COX18: variants seen among roughly 807,000 people sequenced by gnomAD.
COX18 encodes the protein cytochrome c oxidase assembly protein COX18, mitochondrial.
A neutral mutation model predicts 38.0 loss-of-function variants in COX18; 45 were observed. That is an observed-to-expected ratio of 1.18 (90% CI 0.93 to 1.52). COX18 has a LOEUF of 1.52. Ranked by LOEUF, COX18 falls within the 40% of genes most tolerant of loss-of-function variation. The pLI, the probability that COX18 is intolerant of heterozygous loss-of-function variation, is 0.00. For missense variants in COX18, 462 were observed against 423.8 expected, an observed-to-expected ratio of 1.09 and a Z score of -0.79; for synonymous variants, 177 against 169.8, an observed-to-expected ratio of 1.04 and a Z score of -0.33.
At position 73,065,318 on chromosome 4, in the gene COX18, T is replaced by C. The variant is rs778920918; in HGVS notation, c.530A>G (p.Gln177Arg). The change falls in exon 3 of 6, where the codon CAG becomes CGG. Residue 177 changes from glutamine to arginine, a missense_variant. By Grantham distance (43) the Gln-to-Arg change is conservative. Coordinates refer to ENST00000507544, the MANE Select transcript of COX18 (RefSeq NM_001297732.2). ...PFKATVLVWI[Q>R]LPMWIFMSFA... ...AGACATGAAGATCCACATTGGAAGC[T>C]GAATCCAAACCAACACAGTGGCTTT... is the stretch of plus-strand genomic sequence containing the variant. 5 of 1,613,932 alleles carry C rather than the reference T, an allele frequency of 3.1e-6. No individual in the cohort carries two copies. In the South Asian group the frequency reaches 4.4e-5, roughly 14 times the overall value.
intron 2 of COX18, 33 bp from the exon 3 acceptor site, chr4:73,065,446 G>A (rs185086926): frequency 1.3e-6 from 2 of 1,564,358 alleles, no homozygotes; most frequent in South Asian, 1.1e-5. Flanking sequence ...AAAGGGGAAA[G>A]AGAAAATGTC....
rs1468330318 is a variant in COX18 at position 73,053,753 on chromosome 4, G to C, written c.*4361C>G. The C allele has an allele frequency of 3.3e-5, 5 of 152,176 alleles. No homozygotes were observed. The highest frequency in any genetic ancestry group is 2.0e-4 in the Admixed American group (3 of 15,274). 9.4% of individuals were successfully genotyped at this position (152,176 alleles called of 1,614,324 possible). ...GCACCTTCTCCTGGGTTATCTGTCA[G>C]GGTGGCAATTAAGAATTTTGGTTTT... On this transcript the variant is annotated 3_prime_UTR_variant, in exon 6 of 6. Transcript: ENST00000507544.
In COX18 at chr4:73,065,385, G is replaced by C; in HGVS notation, c.463C>G (p.Leu155Val). 6.2e-7 allele frequency: 1 copy of C among 1,613,282 alleles called. No individual in the cohort carries two copies. Among genetic ancestry groups the C allele is most frequent in the Non-Finnish European group, 8.5e-7 (1 of 1,179,578 alleles). Residue 155 changes from leucine to valine, a missense_variant, in exon 3 of 6, where the codon CTA becomes GTA. Transcript: ENST00000507544. ...RLTYLKNMRR[L>V]ISELYVRDNC... ...TCTCGCACATATAGCTCTGAAATTA[G>C]CCTCCTCATATTCTTTAGATAAGTG...
chr4:73,069,726 C>T (rs905899774), upstream of COX18: 19 of 1,385,754 alleles, frequency 1.4e-5, no homozygotes, highest in Middle Eastern at 1.8e-4. Context: ...GGCTGATACG[C>T]GCACGCGCCA....
In COX18 at chr4:73,067,995, T is replaced by C. The variant is rs748726733; in HGVS notation, c.434+34A>G. ...GTGTGTGTGTGTGTGTGTGTATGTG[T>C]GCGTATGGTCTTACGTGGATATAAT... On this transcript the variant is annotated intron_variant, in intron 2 of 5. Transcript: ENST00000507544. The C allele has an allele frequency of 2.3e-5, 29 of 1,244,856 alleles. No individual in the cohort carries two copies. The East Asian group carries it at 6.6e-4, about 28-fold the overall frequency. 77.1% of individuals were successfully genotyped at this position (1,244,856 alleles called of 1,614,324 possible).
At position 73,058,902 on chromosome 4, in the gene COX18, C is replaced by G. The variant is rs569054320; in HGVS notation, c.832-615G>C. 1.5e-4 allele frequency among the ~76,000 whole-genome samples: 23 copies of G among 152,152 alleles called. 1 individual carries two copies. Among genetic ancestry groups the G allele is most frequent in the Non-Finnish European group, 2.6e-4 (18 of 68,026 alleles). ...ACAGGAGGAAGATTTTGGGATGAAA[C>G]TGTTCCATTCCTCGTATCATGAGGA... is the stretch of plus-strand genomic sequence containing the variant. On this transcript the variant is annotated intron_variant, in intron 5 of 5. Transcript: ENST00000507544.
At chr4:73,062,830 G>A (rs1350263623) in intron 4 of COX18, among the ~76,000 whole-genome samples, 2 of 144,878 alleles carry the variant, frequency 1.4e-5, no homozygotes, top group African/African-American at 2.6e-5. Flanking sequence ...GAGTAAGACC[G>A]TCTCCAAAAA....
chr4:73,069,699 A>G lies in COX18; in HGVS notation c.-50T>C, dbSNP rs1209715724. Reference sequence around the variant, plus strand: ...TCCCGGGCCTCACAATCCAGCGGACATACACCGGCCAGCCAAGGCTGATAC... The same window carrying G: ...TCCCGGGCCTCACAATCCAGCGGACGTACACCGGCCAGCCAAGGCTGATAC... On this transcript the variant is annotated 5_prime_UTR_variant, in exon 1 of 6. An upstream start codon of the reference 5' UTR is lost. Coordinates refer to ENST00000507544, the MANE Select transcript of COX18 (RefSeq NM_001297732.2). The G allele has an allele frequency of 5.3e-6, 8 of 1,512,044 alleles. No homozygotes were observed. The highest frequency in any genetic ancestry group is 1.4e-5 in the African/African-American group (1 of 72,628). 93.7% of individuals were successfully genotyped at this position (1,512,044 alleles called of 1,614,324 possible). A position where few individuals can be genotyped will look rare whatever the true frequency, so the allele number is the denominator to read the frequency against.
intron 2 of COX18, among the ~76,000 whole-genome samples, chr4:73,065,742 G>A (rs551086181): frequency 4.1e-4 from 63 of 152,228 alleles, no homozygotes; most frequent in African/African-American, 1.5e-3. Context: ...TTGGAAATAT[G>A]GAAGCTAAAA....
intron 2 of COX18, among the ~76,000 whole-genome samples, chr4:73,067,258 C>A (rs1469145947): frequency 3.3e-5 from 5 of 152,186 alleles, no homozygotes. Flanking sequence ...TCCAAAAGGT[C>A]AAGATTGTAA....
chr4:73,053,527 A>C lies in COX18; in HGVS notation c.*4587T>G, dbSNP rs571396101. 6.6e-6 allele frequency: 1 copy of C among 152,310 alleles called. No individual in the cohort carries two copies. Among genetic ancestry groups the C allele is most frequent in the Non-Finnish European group, 1.5e-5 (1 of 68,062 alleles). The allele number at this position is 152,310 out of a possible 1,614,324, so 9.4% of individuals were successfully genotyped here. A position where few individuals can be genotyped will look rare whatever the true frequency, so the allele number is the denominator to read the frequency against. On this transcript the variant is annotated 3_prime_UTR_variant, in exon 6 of 6. Coordinates refer to ENST00000507544, the MANE Select transcript of COX18 (RefSeq NM_001297732.2). Reference sequence around the variant, plus strand: ...TGCCCCAGGTGTGCCTGCCCACCAGACACCCAATCTTGCAAGACTGCCATT... The same window carrying C: ...TGCCCCAGGTGTGCCTGCCCACCAGCCACCCAATCTTGCAAGACTGCCATT...
At position 73,055,174 on chromosome 4, in the gene COX18, G is replaced by A. The variant is rs1009109559; in HGVS notation, c.*2940C>T. On this transcript the variant is annotated 3_prime_UTR_variant, in exon 6 of 6. Transcript: ENST00000507544. The stretch of plus-strand genomic sequence containing the variant: ...ACGGCAAAGGCAAAGTTATTCCAGA[G>A]GTAATATGTAACTGGCAAAATTTTC... 1.3e-5 allele frequency: 2 copies of A among 152,172 alleles called. No homozygotes were observed. The highest frequency in any genetic ancestry group is 2.9e-5 in the Non-Finnish European group (2 of 68,040). The allele number at this position is 152,172 out of a possible 1,614,324, so 9.4% of individuals were successfully genotyped here. A position where few individuals can be genotyped will look rare whatever the true frequency, so the allele number is the denominator to read the frequency against.
intron 5 of COX18, among the ~76,000 whole-genome samples, chr4:73,061,325 T>TA (rs1227675134): frequency 2.0e-5 from 3 of 151,854 alleles, no homozygotes; most frequent in Non-Finnish European, 2.9e-5. Context: ...TTGCAAAATT[T>TA]AAAAAAAGGC....
intron 5 of COX18, 132 bp from the exon 6 acceptor site, chr4:73,058,419 T>C (rs1295540646): frequency 7.9e-6 from 5 of 636,170 alleles, no homozygotes; most frequent in Non-Finnish European, 1.1e-5. Flanking sequence ...CAGCAGCTAC[T>C]AGATTCCTGG....
In COX18 at chr4:73,055,986, C is replaced by T. The variant is rs1719875387; in HGVS notation, c.*2128G>A. ...TCTCAGGGAAGCAGAATTCTTACCT[C>T]TGTATGCTGTACATTTTTTCTATTA... is the stretch of plus-strand genomic sequence containing the variant. On this transcript the variant is annotated 3_prime_UTR_variant, in exon 6 of 6. Transcript: ENST00000507544. The T allele has an allele frequency of 6.6e-6, 1 of 152,180 alleles. No homozygotes were observed. Among genetic ancestry groups the T allele is most frequent in the Non-Finnish European group, 1.5e-5 (1 of 68,048 alleles). 9.4% of individuals were successfully genotyped at this position (152,180 alleles called of 1,614,324 possible). A position where few individuals can be genotyped will look rare whatever the true frequency, so the allele number is the denominator to read the frequency against.
Position 73,069,492 on chromosome 4 carries a change from C to A in COX18, c.158G>T (p.Gly53Val), listed in dbSNP as rs1720656324. The change falls in exon 1 of 6, where the codon GGC (glycine) becomes GTC (valine). Residue 53 changes from glycine (G) to valine (V), a missense_variant. Coordinates refer to ENST00000507544, the MANE Select transcript of COX18 (RefSeq NM_001297732.2). ...VAPVSAVHANGWYEALAASSP... is the reference protein window; with the variant it reads ...VAPVSAVHANVWYEALAASSP... ...AGACGCGGCCAGGGCCTCGTACCAG[C>A]CGTTCGCATGTACTGCAGAGACTGG... The A allele has an allele frequency of 6.3e-7, 1 of 1,593,770 alleles. No homozygotes were observed. The highest frequency in any genetic ancestry group is 8.5e-7 in the Non-Finnish European group (1 of 1,170,988).
chr4:73,067,950 A>ATGTATG (rs1324862200), intron 2 of COX18, 79 bp downstream of exon 2: 1 of 691,020 alleles, frequency 1.4e-6, no homozygotes, highest in African/African-American at 3.5e-5. Context: ...ATCACAATTT[A>ATGTATG]TGTATGTGTG....
rs1009215360 is a variant in COX18, at chr4:73,057,272, C to A, written c.*842G>T. 6.6e-6 allele frequency: 1 copy of A among 151,980 alleles called. No individual in the cohort carries two copies. Among genetic ancestry groups the A allele is most frequent in the African/African-American group, 2.4e-5 (1 of 41,360 alleles). The allele number at this position is 151,980 out of a possible 1,614,324, so 9.4% of individuals were successfully genotyped here. ...TGAAACCCCATCTCTACTAAAAATA[C>A]AAAAATTAGCTGGGCGTGGTGGTGT... On this transcript the variant is annotated 3_prime_UTR_variant, in exon 6 of 6. Transcript: ENST00000507544.
intron 2 of COX18, among the ~76,000 whole-genome samples, chr4:73,066,316 A>T (rs1321793120): frequency 6.6e-6 from 1 of 152,134 alleles, no homozygotes; most frequent in Non-Finnish European, 1.5e-5. Flanking sequence ...GTATTATATC[A>T]TCTGTGTGGA....
Sources: allele counts gnomAD v4.1 joint callset (sites outside exome capture counted in the v4.1 genomes callset), GRCh38; gene constraint gnomAD v4.1.1; transcripts MANE v1.5; gene names NCBI Gene and HGNC (gene_info 2026-07-23, HGNC 2026-07-21).